Variants in PPFIA2 observed in about 807,000 individuals in gnomAD.
PPFIA2 encodes PPFI scaffold protein A2, also known as liprin-alpha-2.
PPFIA2 carries 46 observed loss-of-function variants against 175.5 expected under a neutral mutation model. The ratio of observed to expected loss-of-function variants is 0.26; its 90% CI spans 0.21 to 0.34. The LOEUF (loss-of-function observed/expected upper bound fraction) is 0.34. Among genes scored for constraint, PPFIA2 ranks in the 10% least tolerant of loss-of-function variants. The pLI is 1.00. For synonymous variants in PPFIA2, 568 were observed against 511.4 expected, an observed-to-expected ratio of 1.11 and a Z score of -1.49; for missense variants, 1,179 against 1,506.1, an observed-to-expected ratio of 0.78 and a Z score of 3.60.
rs564871101 is a variant in PPFIA2 at position 81,662,159 on chromosome 12, C to T, written c.303+14632G>A. Among the ~76,000 whole-genome samples the T allele has an allele frequency of 8.1e-4, 123 of 152,172 alleles. No individual in the cohort carries two copies. The East Asian group carries it at 0.011, about 13-fold the overall frequency. On this transcript the variant is annotated intron_variant, in intron 4 of 32. Coordinates refer to ENST00000549396, the MANE Select transcript of PPFIA2 (RefSeq NM_003625.5). ...AAAGAACTAGAGAAGCAAGAGCAAA[C>T]ACATTCAAAAGCTAGCAGAAGGCAA...
chr12:81,432,639 T>A lies in PPFIA2; in HGVS notation c.645+7333A>T, dbSNP rs1014284912. Among the ~76,000 whole-genome samples the A allele has an allele frequency of 5.3e-5, 8 of 151,956 alleles. No individual in the cohort carries two copies. In the East Asian group the frequency reaches 1.6e-3, roughly 30 times the overall value. On this transcript the variant is annotated intron_variant, in intron 7 of 32. Coordinates refer to ENST00000549396, the MANE Select transcript of PPFIA2 (RefSeq NM_003625.5). The stretch of plus-strand genomic sequence containing the variant: ...CACCACCATGCCCAGATGATTTTTG[T>A]ATAGAGACTGGGTTTCACCATGTAG...
At chr12:81,537,862 T>C (rs2065637862) in intron 4 of PPFIA2, among the ~76,000 whole-genome samples, 1 of 151,876 alleles carries the variant, frequency 6.6e-6, no homozygotes, top group Non-Finnish European at 1.5e-5. Flanking sequence ...TCTCAAGATG[T>C]AACATTTTCT....
chr12:81,484,161 A>G (rs1250306705), intron 4 of PPFIA2, among the ~76,000 whole-genome samples: 6 of 152,024 alleles, frequency 3.9e-5, no homozygotes, highest in Admixed American at 3.3e-4. Context: ...CCTATGAAAG[A>G]CCAAATAAAA....
chr12:81,270,972 G>A (rs1387279459), intron 28 of PPFIA2: 1 of 152,106 alleles, frequency 6.6e-6, no homozygotes, highest in Non-Finnish European at 1.5e-5. Context: ...CTGCCTTAAA[G>A]TTTATATTCT....
intron 4 of PPFIA2, among the ~76,000 whole-genome samples, chr12:81,475,770 T>G (rs11114876): frequency 1.3e-5 from 2 of 152,168 alleles, no homozygotes; most frequent in Non-Finnish European, 1.5e-5. Context: ...TGGAGTGTAG[T>G]GGCGCGATCT....
intron 4 of PPFIA2, among the ~76,000 whole-genome samples, chr12:81,488,680 T>C (rs1246374742): frequency 2.0e-5 from 3 of 151,862 alleles, no homozygotes; most frequent in Non-Finnish European, 4.4e-5. Flanking sequence ...AGGGCTTTGA[T>C]GTCACATCCC....
chr12:81,658,582 A>C (rs1258872889), intron 4 of PPFIA2, among the ~76,000 whole-genome samples: 1 of 152,100 alleles, frequency 6.6e-6, no homozygotes, highest in Admixed American at 6.5e-5. Flanking sequence ...CAGTCTAATT[A>C]GAAACCAGTC....
intron 3 of PPFIA2, among the ~76,000 whole-genome samples, chr12:81,720,673 C>T (rs2079197143): frequency 6.6e-6 from 1 of 151,362 alleles, no homozygotes; most frequent in East Asian, 2.0e-4. Context: ...AGGTGGAAAA[C>T]AATTAGAGGT....
At chr12:81,467,383 A>G (rs929814710) in intron 4 of PPFIA2, among the ~76,000 whole-genome samples, 19 of 150,360 alleles carry the variant, frequency 1.3e-4, no homozygotes, top group African/African-American at 4.1e-4. Context: ...AACAGTTCTT[A>G]AAAGCTTTCT....
chr12:81,320,068 A>G (rs1189895514), intron 22 of PPFIA2, among the ~76,000 whole-genome samples: 1 of 152,016 alleles, frequency 6.6e-6, no homozygotes, highest in Non-Finnish European at 1.5e-5. Flanking sequence ...AATTTGGCAT[A>G]TAGGCACTTA....
intron 7 of PPFIA2, among the ~76,000 whole-genome samples, chr12:81,422,144 A>G (rs911483403): frequency 1.4e-5 from 1 of 70,626 alleles, no homozygotes; most frequent in Non-Finnish European, 2.4e-5. Flanking sequence ...ATATGTGTAT[A>G]TATATGTGTG....
chr12:81,647,203 G>T (rs1443812540), intron 4 of PPFIA2, among the ~76,000 whole-genome samples: 4 of 152,016 alleles, frequency 2.6e-5, no homozygotes, highest in African/African-American at 7.2e-5. Flanking sequence ...GGGCTTAGTA[G>T]CAGACCAGAC....
At chr12:81,742,733 T>A (rs2082477367) in intron 3 of PPFIA2, among the ~76,000 whole-genome samples, 1 of 152,112 alleles carries the variant, frequency 6.6e-6, no homozygotes, top group African/African-American at 2.4e-5. Flanking sequence ...AGGTTCAGGA[T>A]CCTGGCCCTG....
intron 14 of PPFIA2, among the ~76,000 whole-genome samples, chr12:81,364,161 C>T (rs1033135729): frequency 6.6e-6 from 1 of 151,730 alleles, no homozygotes; most frequent in African/African-American, 2.4e-5. Flanking sequence ...ATAAAAGCAA[C>T]AACACGTGCA....
At chr12:81,290,998 G>A (rs1320192736) in intron 24 of PPFIA2, among the ~76,000 whole-genome samples, 1 of 151,330 alleles carries the variant, frequency 6.6e-6, no homozygotes, top group Non-Finnish European at 1.5e-5. Context: ...ATAAAATGAA[G>A]AAAATGCTTA....
intron 3 of PPFIA2, among the ~76,000 whole-genome samples, chr12:81,716,959 T>G (rs1202884997): frequency 6.6e-6 from 1 of 150,724 alleles, no homozygotes; most frequent in South Asian, 2.1e-4. Context: ...AAAAAAAAAA[T>G]GACAAGGTAT....
intron 4 of PPFIA2, among the ~76,000 whole-genome samples, chr12:81,486,815 T>G (rs915586476): frequency 6.6e-6 from 1 of 151,806 alleles, no homozygotes; most frequent in African/African-American, 2.4e-5. Context: ...CCTCAAGAAA[T>G]AATTTTTATA....
intron 4 of PPFIA2, among the ~76,000 whole-genome samples, chr12:81,562,846 C>CAAAAAAAAA (rs11475809): frequency 1.4e-4 from 4 of 29,578 alleles, no homozygotes; most frequent in African/African-American, 1.6e-4. Context: ...GACTCTGTCT[C>CAAAAAAAAA]AAAAAAAAAA....
chr12:81,747,352 A>G (rs1046148583), intron 3 of PPFIA2, among the ~76,000 whole-genome samples: 2 of 144,352 alleles, frequency 1.4e-5, no homozygotes, highest in African/African-American at 4.9e-5. Flanking sequence ...GTGACTGGCC[A>G]TGGTGGAAGT....
Sources: gnomAD v4.1 joint callset for allele counts (sites outside exome capture counted in the v4.1 genomes callset) on GRCh38, gnomAD v4.1.1 for gene constraint, MANE v1.5 for transcripts, NCBI Gene and HGNC (gene_info 2026-07-23, HGNC 2026-07-21) for gene names.